The following PARD3B variants were observed in gnomAD, a reference collection of about 807,000 sequenced individuals.
The protein encoded by PARD3B is par-3 family cell polarity regulator beta.
Under a neutral mutation model 130.2 loss-of-function variants are expected in PARD3B, and 103 were observed. The observed-to-expected ratio is 0.79, with a 90% confidence interval of 0.67 to 0.93. The LOEUF is 0.93. Among genes scored for constraint, PARD3B ranks in the 40% least tolerant of loss-of-function variants. The pLI is 0.00. For missense variants in PARD3B, 1,609 were observed against 1,499.2 expected (o/e 1.07, Z -1.21); for synonymous variants, 583 against 553.2 (o/e 1.05, Z -0.76).
intron 21 of PARD3B, among the ~76,000 whole-genome samples, chr2:205,524,028 T>TATC (rs1160582609): frequency 6.6e-6 from 1 of 152,080 alleles, no homozygotes; most frequent in African/African-American, 2.4e-5. Flanking sequence ...AAAATTCTAT[T>TATC]ATCTTTAGGT....
intron 20 of PARD3B, among the ~76,000 whole-genome samples, chr2:205,498,106 A>C (rs932607149): frequency 6.6e-6 from 1 of 151,638 alleles, no homozygotes; most frequent in Non-Finnish European, 1.5e-5. Context: ...ATGCTGAGAC[A>C]GGAGAATCGC....
At chr2:204,848,386 T>C (rs370242507) in intron 2 of PARD3B, among the ~76,000 whole-genome samples, 2 of 152,126 alleles carry the variant, frequency 1.3e-5, no homozygotes, top group Admixed American at 6.6e-5. Context: ...CATTGAAAAA[T>C]ATTACTGCAC....
chr2:204,816,569 A>G (rs566479866), intron 2 of PARD3B, among the ~76,000 whole-genome samples: 10 of 152,000 alleles, frequency 6.6e-5, no homozygotes, highest in Non-Finnish European at 1.0e-4. Context: ...ATATTACTAC[A>G]GTATTTTCTC....
chr2:205,409,038 T>A (rs2046507460), intron 19 of PARD3B, among the ~76,000 whole-genome samples: 1 of 152,186 alleles, frequency 6.6e-6, no homozygotes, highest in Non-Finnish European at 1.5e-5. Context: ...GTTAATTACT[T>A]TTAGATCCTT....
chr2:204,590,594 A>G lies in PARD3B; in HGVS notation c.120+44475A>G, dbSNP rs190024786. ...ATGGGGAGAAAGGAGCTGGGAACAT[A>G]TGAGAAGGACCTCTTTGTCTTGTGT... On this transcript the variant is annotated intron_variant, in intron 1 of 22. Coordinates refer to ENST00000406610, the MANE Select transcript of PARD3B (RefSeq NM_001302769.2). Among the ~76,000 whole-genome samples the G allele has an allele frequency of 7.6e-4, 115 of 152,290 alleles. 1 individual carries two copies. In the East Asian group the frequency reaches 0.018, roughly 24 times the overall value.
intron 1 of PARD3B, among the ~76,000 whole-genome samples, chr2:204,625,405 A>G (rs1405829756): frequency 6.6e-6 from 1 of 152,180 alleles, no homozygotes; most frequent in African/African-American, 2.4e-5. Context: ...TGAGAGGGCC[A>G]TCCACCATTC....
chr2:204,640,518 G>A (rs1046248255), intron 1 of PARD3B, among the ~76,000 whole-genome samples: 6 of 152,166 alleles, frequency 3.9e-5, no homozygotes, highest in African/African-American at 1.4e-4. Flanking sequence ...TCAGCATTCT[G>A]GTAACTGTTC....
intron 1 of PARD3B, among the ~76,000 whole-genome samples, chr2:204,561,658 C>T (rs1019060113): frequency 9.5e-4 from 141 of 148,312 alleles, no homozygotes; most frequent in Non-Finnish European, 1.1e-3. Flanking sequence ...TACAGTGGTG[C>T]GATCTTGGCT....
intron 18 of PARD3B, among the ~76,000 whole-genome samples, chr2:205,394,226 G>GT (rs1324834050): frequency 6.6e-6 from 1 of 152,138 alleles, no homozygotes; most frequent in Non-Finnish European, 1.5e-5. Context: ...GGAGGTCTGT[G>GT]TGGGGGGTTT....
chr2:205,272,715 G>C (rs1429516117), intron 16 of PARD3B, among the ~76,000 whole-genome samples: 1 of 152,164 alleles, frequency 6.6e-6, no homozygotes, highest in East Asian at 1.9e-4. Context: ...CCATGTGCCA[G>C]GCAGGAAGAA....
chr2:205,376,369 T>C (rs1458695156), intron 18 of PARD3B, among the ~76,000 whole-genome samples: 2 of 151,966 alleles, frequency 1.3e-5, no homozygotes, highest in African/African-American at 2.4e-5. Flanking sequence ...TAAGATTCCA[T>C]GGGTTGGACG....
chr2:204,546,233 T>G, intron 1 of PARD3B, 114 bp downstream of exon 1: 1 of 1,410,066 alleles, frequency 7.1e-7, no homozygotes. Context: ...GGGCACTGCC[T>G]GTAGCTGCAG....
chr2:204,780,572 A>G (rs941444760), intron 2 of PARD3B, among the ~76,000 whole-genome samples: 3 of 152,142 alleles, frequency 2.0e-5, no homozygotes, highest in South Asian at 4.1e-4. Context: ...ATTTGTTATG[A>G]AGCTTTCTCA....
Position 205,268,238 on chromosome 2 carries a change from T to C in PARD3B, c.2185+22416T>C, listed in dbSNP as rs1046506984. 6.6e-6 allele frequency among the ~76,000 whole-genome samples: 1 copy of C among 152,254 alleles called. No homozygotes were observed. Among genetic ancestry groups the C allele is most frequent in the African/African-American group, 2.4e-5 (1 of 41,468 alleles). ...ATAAATTAGCAGTTTTGCATCACGATGTCTTGTGACATACATGCATTAGTG... is the reference window on the plus strand; with the variant it reads ...ATAAATTAGCAGTTTTGCATCACGACGTCTTGTGACATACATGCATTAGTG... On this transcript the variant is annotated intron_variant, in intron 16 of 22. Coordinates refer to ENST00000406610, the MANE Select transcript of PARD3B (RefSeq NM_001302769.2). The surrounding 1 kb of genome is among the most constrained non-coding windows in gnomAD (Gnocchi z 4.1).
chr2:204,660,957 T>G (rs532339307), intron 1 of PARD3B, among the ~76,000 whole-genome samples: 8 of 152,188 alleles, frequency 5.3e-5, no homozygotes, highest in Admixed American at 5.2e-4. Flanking sequence ...AAATTTTCTT[T>G]CATTGCAGTG....
chr2:205,300,509 C>A lies in PARD3B; in HGVS notation c.2186-21C>A, dbSNP rs779496500. On this transcript the variant is annotated intron_variant, in intron 16 of 22. Transcript: ENST00000406610. The surrounding 1 kb of genome is among the most constrained non-coding windows in gnomAD (Gnocchi z 4.1). The stretch of plus-strand genomic sequence containing the variant: ...ACTGCCCCATTAGAAGAGGGGTGAC[C>A]TTTTGCCCTTTCTTTTCCAGAATCT... 2.5e-6 allele frequency: 4 copies of A among 1,594,214 alleles called. No individual in the cohort carries two copies. The highest frequency in any genetic ancestry group is 4.0e-4 in the Middle Eastern group (2 of 5,020).
rs1213905046 is a variant in PARD3B, at chr2:205,121,579, C to A, written c.807-12C>A. The stretch of plus-strand genomic sequence containing the variant: ...AGCAGGGTCATCATACATTTATCAA[C>A]TTTCTTTCCAGGGCTCAAGATGTCT... On this transcript the variant is annotated splice_polypyrimidine_tract_variant and intron_variant, in intron 7 of 22. Transcript: ENST00000406610. The surrounding 1 kb of genome is among the most constrained non-coding windows in gnomAD (Gnocchi z 5.0). The A allele has an allele frequency of 6.2e-7, 1 of 1,607,600 alleles. No individual in the cohort carries two copies. Among genetic ancestry groups the A allele is most frequent in the East Asian group, 2.2e-5 (1 of 44,784 alleles).
In PARD3B at chr2:205,295,036, T is replaced by C. The variant is rs1378024709; in HGVS notation, c.2186-5494T>C. On this transcript the variant is annotated intron_variant, in intron 16 of 22. Coordinates refer to ENST00000406610, the MANE Select transcript of PARD3B (RefSeq NM_001302769.2). ...TTAAAGGCTAATGGATTTGCAATGA[T>C]ATCAAGTAAAGCATATAAGACATTT... Among the ~76,000 whole-genome samples, 5 of 152,250 alleles carry C rather than the reference T, an allele frequency of 3.3e-5. 1 individual carries two copies. The highest frequency in any genetic ancestry group is 4.4e-5 in the Non-Finnish European group (3 of 68,022).
intron 2 of PARD3B, among the ~76,000 whole-genome samples, chr2:204,847,463 C>T (rs2044510805): frequency 6.6e-6 from 1 of 152,164 alleles, no homozygotes; most frequent in Admixed American, 6.6e-5. Flanking sequence ...TCTATAGCTT[C>T]ATTTTCTGTG....
Sources: gnomAD v4.1 joint callset for allele counts (sites outside exome capture counted in the v4.1 genomes callset) on GRCh38, gnomAD v4.1.1 for gene constraint, Gnocchi (gnomAD v3.1) non-coding constraint, MANE v1.5 for transcripts, NCBI Gene and HGNC (gene_info 2026-07-23, HGNC 2026-07-21) for gene names.